AUTS2: variants seen among roughly 807,000 people sequenced by gnomAD.
The protein encoded by AUTS2 is autism susceptibility gene 2 protein.
AUTS2 carries 17 observed loss-of-function variants against 112.4 expected under a neutral mutation model. The observed-to-expected ratio is 0.15, with a 90% CI of 0.10 to 0.23. AUTS2 has a LOEUF of 0.23. Ranked by LOEUF, AUTS2 falls within the 10% of genes least tolerant of loss-of-function variation. The pLI, the probability that AUTS2 is intolerant of heterozygous loss-of-function variation, is 1.00. For missense variants in AUTS2, 1,510 were observed against 1,701.6 expected (o/e 0.89, Z 1.98); for synonymous variants, 751 against 702.7 (o/e 1.07, Z -1.09).
chr7:69,690,081 A>G (rs1797258330), intron 1 of AUTS2, among the ~76,000 whole-genome samples: 1 of 152,136 alleles, frequency 6.6e-6, no homozygotes, highest in Non-Finnish European at 1.5e-5. Context: ...GTAAGGGGAG[A>G]TATTTTTAAA....
intron 4 of AUTS2, among the ~76,000 whole-genome samples, chr7:70,284,032 C>G (rs560565820): frequency 6.6e-6 from 1 of 152,116 alleles, no homozygotes; most frequent in South Asian, 2.1e-4. Context: ...CCTCTCTCAC[C>G]CAAAATCATA....
At chr7:70,423,271 C>G (rs1795298893) in intron 4 of AUTS2, among the ~76,000 whole-genome samples, 1 of 152,286 alleles carries the variant, frequency 6.6e-6, no homozygotes, top group African/African-American at 2.4e-5. Flanking sequence ...CAAGATTACT[C>G]TCCTGGTTGA....
intron 4 of AUTS2, among the ~76,000 whole-genome samples, chr7:70,300,344 G>A (rs996169798): frequency 1.3e-5 from 2 of 152,144 alleles, no homozygotes; most frequent in African/African-American, 2.4e-5. Flanking sequence ...GCGGGCTGCG[G>A]GTTCCACAAG....
intron 2 of AUTS2, among the ~76,000 whole-genome samples, chr7:69,968,350 TG>T (rs1484494753): frequency 6.6e-6 from 1 of 152,232 alleles, no homozygotes; most frequent in African/African-American, 2.4e-5. Context: ...GAATGAATTT[TG>T]GTTGTACCTA....
At position 70,102,011 on chromosome 7, in the gene AUTS2, C is replaced by T. The variant is rs115248536; in HGVS notation, c.523-16121C>T. On this transcript the variant is annotated intron_variant, in intron 2 of 18. Coordinates refer to ENST00000342771, the MANE Select transcript of AUTS2 (RefSeq NM_015570.4). ...TTTTATATATTTTGTAATAGCTTTA[C>T]GTATTCGTTCAACCGTAACATTTTG... 4.2e-3 allele frequency among the ~76,000 whole-genome samples: 639 copies of T among 151,788 alleles called. 8 individuals carry two copies. The highest frequency in any genetic ancestry group is 0.014 in the African/African-American group (590 of 41,370).
rs750532676 is a variant in AUTS2 at position 70,787,284 on chromosome 7, G to A, written c.2384G>A (p.Arg795Gln). 7.4e-6 allele frequency: 12 copies of A among 1,614,188 alleles called. No individual in the cohort carries two copies. Among genetic ancestry groups the A allele is most frequent in the Non-Finnish European group, 8.5e-6 (10 of 1,180,032 alleles). ...NFSNPHEPWNRLHRTPPSFPT... is the reference protein window; with the variant it reads ...NFSNPHEPWNQLHRTPPSFPT... Reference sequence around the variant, plus strand: ...AGCAACCCTCACGAACCCTGGAACCGGCTGCACCGAACGCCTCCGTCGTTC... The same window carrying A: ...AGCAACCCTCACGAACCCTGGAACCAGCTGCACCGAACGCCTCCGTCGTTC... The change falls in exon 18 of 19, where the codon CGG becomes CAG. Residue 795 changes from arginine (R) to glutamine (Q), a missense_variant. Around this residue, in one of 3 missense-constraint regions of AUTS2, gnomAD observed 788 missense variants for 797.6 expected, o/e 0.99. Transcript: ENST00000342771.
chr7:70,577,258 C>T (rs557900574), intron 5 of AUTS2, among the ~76,000 whole-genome samples: 1 of 152,164 alleles, frequency 6.6e-6, no homozygotes, highest in Admixed American at 6.5e-5. Context: ...CCATCATCAC[C>T]GTGGCTGCTG....
At chr7:70,344,579 G>A (rs1208154937) in intron 4 of AUTS2, among the ~76,000 whole-genome samples, 1 of 152,168 alleles carries the variant, frequency 6.6e-6, no homozygotes, top group Non-Finnish European at 1.5e-5. Flanking sequence ...TCAGAGAACT[G>A]CATTCTTCTT....
intron 1 of AUTS2, among the ~76,000 whole-genome samples, chr7:69,782,467 A>G (rs1054238930): frequency 3.3e-5 from 5 of 151,714 alleles, no homozygotes; most frequent in African/African-American, 1.2e-4. Flanking sequence ...CCCTACCAGT[A>G]GAAGATGGAT....
chr7:70,639,023 A>C (rs772714782), intron 5 of AUTS2, among the ~76,000 whole-genome samples: 1 of 152,140 alleles, frequency 6.6e-6, no homozygotes, highest in Non-Finnish European at 1.5e-5. Context: ...AGGGGGGTGA[A>C]TGCTCATTAA....
intron 5 of AUTS2, among the ~76,000 whole-genome samples, chr7:70,578,446 T>C (rs887591293): frequency 5.3e-5 from 8 of 152,224 alleles, no homozygotes; most frequent in African/African-American, 1.9e-4. Context: ...ACCAATGAAA[T>C]CACCTGAGAC....
intron 1 of AUTS2, among the ~76,000 whole-genome samples, chr7:69,738,275 A>G (rs1463768399): frequency 2.7e-5 from 4 of 150,764 alleles, no homozygotes; most frequent in East Asian, 1.9e-4. Flanking sequence ...TCTCTCTTCT[A>G]TAGGTACATG....
chr7:69,987,177 ATAATT>A (rs1483698858), intron 2 of AUTS2, among the ~76,000 whole-genome samples: 5 of 152,244 alleles, frequency 3.3e-5, no homozygotes, highest in African/African-American at 1.2e-4. Context: ...ATTTGCTACT[ATAATT>A]TAATTCACTT....
chr7:70,044,560 A>C (rs1384715625), intron 2 of AUTS2, among the ~76,000 whole-genome samples: 1 of 152,172 alleles, frequency 6.6e-6, no homozygotes, highest in Non-Finnish European at 1.5e-5. Context: ...AAGTGGGAGA[A>C]AAAATCTCAA....
At chr7:70,221,747 C>T (rs1562797458) in intron 4 of AUTS2, among the ~76,000 whole-genome samples, 2 of 152,098 alleles carry the variant, frequency 1.3e-5, no homozygotes, top group African/African-American at 2.4e-5. Context: ...ATTAGCCGAG[C>T]GTGGTGGTGG....
intron 14 of AUTS2, among the ~76,000 whole-genome samples, chr7:70,779,261 G>C (rs905587943): frequency 1.3e-5 from 2 of 152,142 alleles, no homozygotes; most frequent in Non-Finnish European, 2.9e-5. Flanking sequence ...CTGTAGATTT[G>C]AGCAGAAATT....
At chr7:69,859,070 C>T (rs1792861847) in intron 1 of AUTS2, among the ~76,000 whole-genome samples, 1 of 152,150 alleles carries the variant, frequency 6.6e-6, no homozygotes, top group East Asian at 1.9e-4. Context: ...CTTGTTGAAG[C>T]AGAGAACCTT....
chr7:70,138,678 A>T (rs1267625830), intron 4 of AUTS2, among the ~76,000 whole-genome samples: 2 of 152,188 alleles, frequency 1.3e-5, no homozygotes, highest in African/African-American at 4.8e-5. Flanking sequence ...AGGGAAAACA[A>T]CTCACTTCTA....
At chr7:69,672,526 C>T (rs1203407885) in intron 1 of AUTS2, among the ~76,000 whole-genome samples, 3 of 152,128 alleles carry the variant, frequency 2.0e-5, no homozygotes, top group East Asian at 1.9e-4. Flanking sequence ...GAAAGAGTAA[C>T]TATAAGGGGT....
Sources: gnomAD v4.1 joint callset for allele counts (sites outside exome capture counted in the v4.1 genomes callset) on GRCh38, gnomAD v4.1.1 for gene constraint, gnomAD v4.1.1 regional missense constraint, MANE v1.5 for transcripts, NCBI Gene and HGNC (gene_info 2026-07-23, HGNC 2026-07-21) for gene names.